RBFOX1: variants seen among roughly 807,000 people sequenced by gnomAD.
The protein encoded by RBFOX1 is RNA binding protein fox-1 homolog 1.
In RBFOX1, 8 loss-of-function variants were observed where a neutral mutation model predicts 57.7. That is an observed-to-expected ratio of 0.14 (90% CI 0.08 to 0.25). The LOEUF (loss-of-function observed/expected upper bound fraction) is 0.25, where lower values mean the gene tolerates loss of function less well. Among genes scored for constraint, RBFOX1 ranks in the 10% least tolerant of loss-of-function variants. The probability of loss-of-function intolerance (pLI) is 1.00; values close to 1 mark genes in which losing one functional copy is unlikely to be tolerated. For missense variants in RBFOX1, 611 were observed against 548.5 expected (o/e 1.11, Z -1.14); for synonymous variants, 326 against 222.4 (o/e 1.47, Z -4.15).
intron 2 of RBFOX1, among the ~76,000 whole-genome samples, chr16:6,430,869 G>T (rs1463088482): frequency 6.6e-6 from 1 of 151,346 alleles, no homozygotes; most frequent in Non-Finnish European, 1.5e-5. Context: ...AGTAGCTCAT[G>T]CCTGTCACCC....
At chr16:5,978,843 T>G (rs1389759567) in intron 4 of RBFOX1, among the ~76,000 whole-genome samples, 2 of 151,670 alleles carry the variant, frequency 1.3e-5, no homozygotes, top group Non-Finnish European at 2.9e-5. Flanking sequence ...GCTCTTCTCA[T>G]CATATAGCGA....
At chr16:7,395,607 T>C (rs1458697812) in intron 4 of RBFOX1, among the ~76,000 whole-genome samples, 1 of 152,158 alleles carries the variant, frequency 6.6e-6, no homozygotes, top group Non-Finnish European at 1.5e-5. Flanking sequence ...ACCTTTGTTG[T>C]GGGGATTGAG....
At chr16:7,478,947 G>T (rs183571475) in intron 4 of RBFOX1, among the ~76,000 whole-genome samples, 34 of 152,050 alleles carry the variant, frequency 2.2e-4, no homozygotes, top group Admixed American at 5.2e-4. Flanking sequence ...GTTTGTTCCC[G>T]TGCGGACCGA....
At chr16:6,456,695 T>G (rs981859913) in intron 2 of RBFOX1, among the ~76,000 whole-genome samples, 3 of 151,942 alleles carry the variant, frequency 2.0e-5, no homozygotes, top group African/African-American at 7.3e-5. Context: ...GATGGGCACT[T>G]TGGGTGGGAA....
intron 3 of RBFOX1, among the ~76,000 whole-genome samples, chr16:6,919,090 C>T (rs567122620): frequency 2.0e-5 from 3 of 152,176 alleles, no homozygotes; most frequent in South Asian, 2.1e-4. Context: ...AGCCATTCTC[C>T]TGTCTCAGCC....
intron 3 of RBFOX1, among the ~76,000 whole-genome samples, chr16:7,025,533 C>T (rs541391820): frequency 6.6e-6 from 1 of 152,284 alleles, no homozygotes; most frequent in South Asian, 2.1e-4. Context: ...CTGGTTCAAA[C>T]ACCTCTGACA....
intron 3 of RBFOX1, among the ~76,000 whole-genome samples, chr16:5,761,503 C>T (rs528730968): frequency 6.6e-6 from 1 of 152,176 alleles, no homozygotes; most frequent in East Asian, 1.9e-4. Flanking sequence ...TGGGAGTCCT[C>T]ACAATCATGA....
At chr16:7,283,422 G>A (rs556505756) in intron 4 of RBFOX1, among the ~76,000 whole-genome samples, 2 of 152,098 alleles carry the variant, frequency 1.3e-5, no homozygotes, top group South Asian at 2.1e-4. Context: ...AAGATTTAGG[G>A]GAGCTCACTA....
intron 3 of RBFOX1, among the ~76,000 whole-genome samples, chr16:7,017,379 T>C (rs950316704): frequency 1.3e-5 from 2 of 152,150 alleles, no homozygotes; most frequent in African/African-American, 4.8e-5. Context: ...GAGCTGAAAT[T>C]TATGGCTCTC....
At chr16:6,613,112 T>C (rs572348532) in intron 2 of RBFOX1, among the ~76,000 whole-genome samples, 1 of 151,930 alleles carries the variant, frequency 6.6e-6, no homozygotes, top group Admixed American at 6.6e-5. Context: ...GCCTGATTAA[T>C]ACTTTTGCAC....
chr16:6,604,201 G>C (rs555645351), intron 2 of RBFOX1, among the ~76,000 whole-genome samples: 9 of 151,120 alleles, frequency 6.0e-5, no homozygotes, highest in African/African-American at 2.2e-4. Flanking sequence ...ATTCCTACTG[G>C]GGAAAAAAAA....
rs530925738 is a variant in RBFOX1, at chr16:5,441,552, A to G, written c.220-25664A>G. 1.8e-4 allele frequency among the ~76,000 whole-genome samples: 28 copies of G among 152,168 alleles called. No individual in the cohort carries two copies. In the East Asian group the frequency reaches 4.5e-3, roughly 24 times the overall value. The stretch of plus-strand genomic sequence containing the variant: ...GCTAATTTTTGTATTTTTAGTAGAG[A>G]TGAGGTTTCACCATGTTGGCCAGGC... On this transcript the variant is annotated intron_variant, in intron 1 of 2. Coordinates refer to the RBFOX1 transcript ENST00000585867.
chr16:5,682,409 G>T (rs919678747), intron 3 of RBFOX1, among the ~76,000 whole-genome samples: 3 of 152,106 alleles, frequency 2.0e-5, no homozygotes, highest in African/African-American at 7.2e-5. Flanking sequence ...GAAAAAGAGG[G>T]TCACTCTACA....
intron 13 of RBFOX1, among the ~76,000 whole-genome samples, chr16:7,676,304 C>G (rs898714838): frequency 6.6e-6 from 1 of 152,112 alleles, no homozygotes; most frequent in Non-Finnish European, 1.5e-5. Context: ...AACTTTCAAT[C>G]AAAGGGTGAT....
At chr16:6,398,628 C>G (rs1442203812) in intron 2 of RBFOX1, among the ~76,000 whole-genome samples, 1 of 152,240 alleles carries the variant, frequency 6.6e-6, no homozygotes, top group Non-Finnish European at 1.5e-5. Flanking sequence ...CAAATGAGCT[C>G]CTTTGACTCC....
chr16:7,027,299 A>G (rs748179687), intron 3 of RBFOX1, among the ~76,000 whole-genome samples: 2 of 152,208 alleles, frequency 1.3e-5, no homozygotes, highest in Non-Finnish European at 2.9e-5. Flanking sequence ...TAAGTTAATT[A>G]CATCTATTTT....
intron 7 of RBFOX1, among the ~76,000 whole-genome samples, chr16:7,594,748 C>A (rs2094603927): frequency 6.6e-6 from 1 of 152,106 alleles, no homozygotes; most frequent in Admixed American, 6.5e-5. Context: ...TGACCTAATG[C>A]CAGAACTTTA....
In RBFOX1 at chr16:6,776,261, A is replaced by C. The variant is rs531395397; in HGVS notation, c.-16+121611A>C. Among the ~76,000 whole-genome samples the C allele has an allele frequency of 1.3e-3, 191 of 151,902 alleles. 2 individuals carry two copies. The Middle Eastern group carries it at 0.037, about 30-fold the overall frequency. On this transcript the variant is annotated intron_variant, in intron 3 of 15. Coordinates refer to ENST00000550418, the MANE Select transcript of RBFOX1 (RefSeq NM_018723.4). ...CCAGTCTCTACTAAAAATACAAAAA[A>C]TTAGCCGGGCGTGGTGGCGGGTGCC... is the stretch of plus-strand genomic sequence containing the variant.
At chr16:6,968,364 C>G (rs1317552333) in intron 3 of RBFOX1, among the ~76,000 whole-genome samples, 1 of 152,164 alleles carries the variant, frequency 6.6e-6, no homozygotes, top group Non-Finnish European at 1.5e-5. Context: ...TTTTTCTTCA[C>G]TTATTTTTCC....
Sources: gnomAD v4.1 joint callset for allele counts (sites outside exome capture counted in the v4.1 genomes callset) on GRCh38, gnomAD v4.1.1 for gene constraint, MANE v1.5 for transcripts, NCBI Gene and HGNC (gene_info 2026-07-23, HGNC 2026-07-21) for gene names.